Variants in SLC9D1 observed in about 807,000 individuals in gnomAD.
SLC9D1 encodes the protein solute carrier family 9 member D1.
the SLC9D1 span, among the ~76,000 whole-genome samples, chr13:113,507,015 G>A: frequency 5.9e-5 from 9 of 152,044 alleles, no homozygotes; most frequent in African/African-American, 2.2e-4. Context: ...AGAGTCAGAT[G>A]CGTGGAAGGA....
At chr13:113,533,959 TAAA>T in the SLC9D1 span, 1 of 1,046,112 alleles carries the variant, frequency 9.6e-7, no homozygotes, top group Non-Finnish European at 1.4e-6. Flanking sequence ...TGTAGCATGT[TAAA>T]GAAAAAAACT....
At chr13:113,503,438 A>G in the SLC9D1 span, 55 of 1,351,746 alleles carry the variant, frequency 4.1e-5, 1 homozygote, top group Non-Finnish European at 1.4e-5. Context: ...TGTTGAGTTA[A>G]GTATACTTAA....
the SLC9D1 span, among the ~76,000 whole-genome samples, chr13:113,497,112 A>G: frequency 6.6e-6 from 1 of 151,568 alleles, no homozygotes; most frequent in African/African-American, 2.4e-5. Context: ...GCTGTGTGAT[A>G]GACCTGCAGC....
At chr13:113,532,677 G>C in the SLC9D1 span, among the ~76,000 whole-genome samples, 5 of 152,036 alleles carry the variant, frequency 3.3e-5, no homozygotes, top group Non-Finnish European at 7.4e-5. Context: ...GGTCTGCTTG[G>C]CCGTGAGTCT....
chr13:113,533,796 C>T, the SLC9D1 span, among the ~76,000 whole-genome samples: 1 of 152,218 alleles, frequency 6.6e-6, no homozygotes, highest in Admixed American at 6.5e-5. Flanking sequence ...AGAATTTTCA[C>T]ATTCTAGAAT....
chr13:113,512,154 G>A, the SLC9D1 span, among the ~76,000 whole-genome samples: 8 of 132,950 alleles, frequency 6.0e-5, no homozygotes, highest in Non-Finnish European at 8.0e-5. Flanking sequence ...ATATACACTC[G>A]GAGTCGCGGG....
chr13:113,514,079 A>G, the SLC9D1 span, among the ~76,000 whole-genome samples: 2 of 152,238 alleles, frequency 1.3e-5, no homozygotes, highest in African/African-American at 4.8e-5. Flanking sequence ...AGGAAATAGA[A>G]AATATCCTTA....
At chr13:113,547,610 G>C in the SLC9D1 span, among the ~76,000 whole-genome samples, 1 of 152,208 alleles carries the variant, frequency 6.6e-6, no homozygotes, top group African/African-American at 2.4e-5. Flanking sequence ...GTGTTTAAAG[G>C]GGGGAACTAA....
chr13:113,537,819 T>C, the SLC9D1 span, among the ~76,000 whole-genome samples: 1 of 152,228 alleles, frequency 6.6e-6, no homozygotes, highest in African/African-American at 2.4e-5. Flanking sequence ...CATGCGTTTC[T>C]GAATGCCATG....
chr13:113,537,853 C>T, the SLC9D1 span, among the ~76,000 whole-genome samples: 2 of 152,202 alleles, frequency 1.3e-5, no homozygotes, highest in Non-Finnish European at 2.9e-5. Context: ...TCCTTCCCCC[C>T]TTCTATAGCA....
At chr13:113,501,795 T>C in the SLC9D1 span, 1 of 1,606,288 alleles carries the variant, frequency 6.2e-7, no homozygotes, top group Admixed American at 1.7e-5. Context: ...TGTGGCTGGC[T>C]ATGTACAGCC....
At chr13:113,494,462 G>A in the SLC9D1 span, among the ~76,000 whole-genome samples, 1 of 152,046 alleles carries the variant, frequency 6.6e-6, no homozygotes, top group Non-Finnish European at 1.5e-5. Context: ...TCACCACCTG[G>A]ACACCACGGC....
At chr13:113,542,440 G>C in the SLC9D1 span, among the ~76,000 whole-genome samples, 1 of 152,188 alleles carries the variant, frequency 6.6e-6, no homozygotes, top group Non-Finnish European at 1.5e-5. Context: ...AAAGCGGCCA[G>C]ATCACCTTCA....
chr13:113,514,232 A>AT, the SLC9D1 span: 24 of 143,712 alleles, frequency 1.7e-4, no homozygotes, highest in East Asian at 9.9e-4. Context: ...ATTGAAAGGC[A>AT]TTTTTTTTTA....
the SLC9D1 span, among the ~76,000 whole-genome samples, chr13:113,532,706 G>A: frequency 1.3e-5 from 2 of 152,182 alleles, no homozygotes; most frequent in African/African-American, 2.4e-5. Flanking sequence ...TCCTGCCAGG[G>A]CTGCAGAAAG....
At chr13:113,520,765 T>C in the SLC9D1 span, 4 of 1,470,340 alleles carry the variant, frequency 2.7e-6, no homozygotes, top group Non-Finnish European at 3.8e-6. Flanking sequence ...TTTGTTTTTA[T>C]AGTTTAAAAT....
At chr13:113,549,806 G>T in the SLC9D1 span, 1 of 592,428 alleles carries the variant, frequency 1.7e-6, no homozygotes, top group African/African-American at 1.9e-5. Flanking sequence ...GTGGTGCCTG[G>T]ATGTGCCTTT....
chr13:113,531,938 G>A, the SLC9D1 span, among the ~76,000 whole-genome samples: 1 of 152,200 alleles, frequency 6.6e-6, no homozygotes, highest in South Asian at 2.1e-4. Context: ...GTAGCCGTTA[G>A]GGGCTTGGTC....
the SLC9D1 span, chr13:113,503,964 A>C: frequency 1.2e-5 from 2 of 170,886 alleles, no homozygotes; most frequent in African/African-American, 2.4e-5. Context: ...AAGTGAGTTA[A>C]TTAAAAGACA....
Sources: gnomAD v4.1 joint callset for allele counts (sites outside exome capture counted in the v4.1 genomes callset) on GRCh38, gnomAD v4.1.1 for gene constraint, MANE v1.5 for transcripts, NCBI Gene and HGNC (gene_info 2026-07-23, HGNC 2026-07-21) for gene names.